Variants in DLGAP2 observed in about 807,000 individuals in gnomAD.
DLGAP2 encodes DLG associated protein 2.
A neutral mutation model predicts 100.3 loss-of-function variants in DLGAP2; 26 were observed. The ratio of observed to expected loss-of-function variants is 0.26; its 90% CI spans 0.19 to 0.36. DLGAP2 has a LOEUF of 0.36. DLGAP2 is among the 10% of genes least tolerant of loss of function. The pLI is 1.00. For missense variants in DLGAP2, 1,858 were observed against 1,453.2 expected (o/e 1.28, Z -4.53); for synonymous variants, 886 against 630.1 (o/e 1.41, Z -6.08).
intron 1 of DLGAP2, among the ~76,000 whole-genome samples, chr8:803,557 T>G (rs1796211686): frequency 6.6e-6 from 1 of 150,874 alleles, no homozygotes; most frequent in Non-Finnish European, 1.5e-5. Context: ...ACCAGTGAGA[T>G]GCCCACCGAG....
chr8:831,300 T>A (rs1295257448), intron 1 of DLGAP2, among the ~76,000 whole-genome samples: 1 of 151,568 alleles, frequency 6.6e-6, no homozygotes, highest in Non-Finnish European at 1.5e-5. Context: ...TGTGCCATGT[T>A]GGTTTGCTGC....
At chr8:1,329,738 C>T (rs1801105919) in intron 3 of DLGAP2, among the ~76,000 whole-genome samples, 1 of 152,168 alleles carries the variant, frequency 6.6e-6, no homozygotes, top group Non-Finnish European at 1.5e-5. Context: ...GACCCTGGGG[C>T]TTGGGGTGCA....
intron 6 of DLGAP2, among the ~76,000 whole-genome samples, chr8:1,609,510 A>T (rs1292339525): frequency 3.6e-5 from 5 of 137,666 alleles, no homozygotes; most frequent in African/African-American, 1.3e-4. Context: ...AGCTAACAAC[A>T]TAATGACAGG....
intron 2 of DLGAP2, among the ~76,000 whole-genome samples, chr8:987,010 G>T (rs1342525816): frequency 6.6e-6 from 1 of 152,190 alleles, no homozygotes; most frequent in Non-Finnish European, 1.5e-5. Flanking sequence ...TAATCCACAA[G>T]GAGGAAGTAA....
chr8:1,355,611 T>A (rs1177696094), intron 3 of DLGAP2, among the ~76,000 whole-genome samples: 5 of 152,118 alleles, frequency 3.3e-5, no homozygotes, highest in African/African-American at 1.2e-4. Context: ...GATCCACCTG[T>A]CTCGGCCTCC....
chr8:1,013,310 C>T (rs1433680315), intron 2 of DLGAP2, among the ~76,000 whole-genome samples: 19 of 152,148 alleles, frequency 1.2e-4, no homozygotes, highest in Admixed American at 1.0e-3. Flanking sequence ...GAGCTTTGAG[C>T]ATCTCGTAGG....
intron 5 of DLGAP2, among the ~76,000 whole-genome samples, chr8:1,552,605 C>T (rs1013526592): frequency 6.6e-6 from 1 of 152,210 alleles, no homozygotes; most frequent in Non-Finnish European, 1.5e-5. Context: ...TGGGTCCTCA[C>T]AACCCCAGAT....
At chr8:1,135,861 C>G (rs1159984548) in intron 2 of DLGAP2, among the ~76,000 whole-genome samples, 3 of 152,108 alleles carry the variant, frequency 2.0e-5, no homozygotes, top group Non-Finnish European at 4.4e-5. Context: ...GGGGGATTGG[C>G]AGGAATCATC....
At chr8:1,681,711 T>A (rs1019044582) in intron 12 of DLGAP2, among the ~76,000 whole-genome samples, 2 of 152,206 alleles carry the variant, frequency 1.3e-5, no homozygotes, top group African/African-American at 4.8e-5. Flanking sequence ...TCAGGCCCTG[T>A]GCCGAATGCA....
At chr8:1,278,792 A>G (rs1799758531) in intron 3 of DLGAP2, among the ~76,000 whole-genome samples, 1 of 152,242 alleles carries the variant, frequency 6.6e-6, no homozygotes. Flanking sequence ...AGCCATAAAA[A>G]TAATTTCAGT....
chr8:1,336,414 A>G (rs757664918), intron 3 of DLGAP2, among the ~76,000 whole-genome samples: 1 of 152,120 alleles, frequency 6.6e-6, no homozygotes, highest in Non-Finnish European at 1.5e-5. Context: ...GTGCATCCAC[A>G]GGCTGTCAAG....
At chr8:1,281,059 G>T (rs1051967762) in intron 3 of DLGAP2, among the ~76,000 whole-genome samples, 9 of 152,298 alleles carry the variant, frequency 5.9e-5, no homozygotes, top group African/African-American at 2.2e-4. Context: ...GATAAGAATA[G>T]TGCCCAGCTC....
intron 2 of DLGAP2, among the ~76,000 whole-genome samples, chr8:1,226,324 C>T (rs1410020333): frequency 2.0e-5 from 3 of 152,106 alleles, no homozygotes; most frequent in African/African-American, 7.2e-5. Context: ...TTTGCAGGCG[C>T]ATAGATGAAG....
intron 2 of DLGAP2, among the ~76,000 whole-genome samples, chr8:1,215,926 G>A (rs1460615581): frequency 1.0e-4 from 15 of 150,734 alleles, no homozygotes; most frequent in Non-Finnish European, 4.4e-5. Flanking sequence ...AGACGTCCAG[G>A]TACCTGGATG....
chr8:1,482,602 C>T (rs1326762536), intron 3 of DLGAP2, among the ~76,000 whole-genome samples: 1 of 152,254 alleles, frequency 6.6e-6, no homozygotes, highest in African/African-American at 2.4e-5. Context: ...TCGTGGGCCA[C>T]GGGGTGGGCG....
rs114840492 is a variant in DLGAP2, at chr8:1,325,219, T to C, written c.106+66336T>C. Among the ~76,000 whole-genome samples the C allele has an allele frequency of 9.3e-3, 1,416 of 152,328 alleles. 18 individuals are homozygous for C. The highest frequency in any genetic ancestry group is 0.032 in the African/African-American group (1,345 of 41,582). On this transcript the variant is annotated intron_variant, in intron 3 of 14. Transcript: ENST00000637795. ...AGCGAGGCTGTCCTGAGATGTTCAA[T>C]GTCGCAATGAGACAGTCATTCCACG...
chr8:1,514,277 C>T lies in DLGAP2; in HGVS notation c.172+12846C>T, dbSNP rs543847159. Among the ~76,000 whole-genome samples, 7 of 152,336 alleles carry T rather than the reference C, an allele frequency of 4.6e-5. No homozygotes were observed. The East Asian group carries it at 1.2e-3, about 25-fold the overall frequency. On this transcript the variant is annotated intron_variant, in intron 4 of 14. Coordinates refer to ENST00000637795, the MANE Select transcript of DLGAP2 (RefSeq NM_001346810.2). Reference sequence around the variant, plus strand: ...AATGCAACTCTCATTTTTTCTTATGCGACTATTCCCAGAAGGCTTCCCGCA... The same window carrying T: ...AATGCAACTCTCATTTTTTCTTATGTGACTATTCCCAGAAGGCTTCCCGCA...
At chr8:1,509,217 G>C (rs532636045) in intron 4 of DLGAP2, among the ~76,000 whole-genome samples, 2 of 151,830 alleles carry the variant, frequency 1.3e-5, no homozygotes, top group Non-Finnish European at 2.9e-5. Flanking sequence ...TGTAATCCCA[G>C]CTACTCGAGA....
At chr8:1,601,905 C>T (rs916297177) in intron 6 of DLGAP2, among the ~76,000 whole-genome samples, 1 of 150,890 alleles carries the variant, frequency 6.6e-6, no homozygotes, top group African/African-American at 2.4e-5. Context: ...TCTGAGGTAG[C>T]TATGTAGTCA....
Sources: allele counts gnomAD v4.1 joint callset (sites outside exome capture counted in the v4.1 genomes callset), GRCh38; gene constraint gnomAD v4.1.1; transcripts MANE v1.5; gene names NCBI Gene and HGNC (gene_info 2026-07-23, HGNC 2026-07-21).